DNASE2: variants seen among roughly 807,000 people sequenced by gnomAD.
DNASE2 encodes deoxyribonuclease-2-alpha.
A neutral mutation model predicts 29.8 loss-of-function variants in DNASE2; 26 were observed. That is an observed-to-expected ratio of 0.87 (90% CI 0.64 to 1.21). DNASE2 has a LOEUF of 1.21. Ranked by LOEUF, DNASE2 falls within the 50% of genes most tolerant of loss-of-function variation. The probability of loss-of-function intolerance (pLI) is 0.00; values close to 1 mark genes in which losing one functional copy is unlikely to be tolerated. For synonymous variants in DNASE2, 186 were observed against 193.5 expected (o/e 0.96, Z 0.32); for missense variants, 415 against 455.6 (o/e 0.91, Z 0.81).
rs1183049600 is a variant in DNASE2, at chr19:12,881,411, G to A, written c.-36C>T. 33 of 1,548,030 alleles carry A rather than the reference G, an allele frequency of 2.1e-5. No homozygotes were observed. Among genetic ancestry groups the A allele is most frequent in the Non-Finnish European group, 2.9e-5 (33 of 1,146,604 alleles). ...GGGCTGAGATCCAGGAATCTGTGTC[G>A]GGACTGCGGGGCGCTGGGTTACATC... On this transcript the variant is annotated 5_prime_UTR_variant, in exon 1 of 6. Coordinates refer to ENST00000222219, the MANE Select transcript of DNASE2 (RefSeq NM_001375.3).
chr19:12,878,620 G>A (rs1970344473), intron 4 of DNASE2, 41 bp from the exon 5 acceptor site: 1 of 1,613,856 alleles, frequency 6.2e-7, no homozygotes, highest in African/African-American at 1.3e-5. Context: ...ATCGTTCCAG[G>A]TTCTGGTCAG....
chr19:12,876,849 G>A (rs144641430), intron 5 of DNASE2, among the ~76,000 whole-genome samples: 1 of 151,578 alleles, frequency 6.6e-6, no homozygotes, highest in African/African-American at 2.4e-5. Flanking sequence ...TTGAGACAGA[G>A]TCTCACTCTG....
At chr19:12,880,945 C>T (rs1970373042) in intron 2 of DNASE2, 27 bp downstream of exon 2, 1 of 1,614,224 alleles carries the variant, frequency 6.2e-7, no homozygotes, top group East Asian at 2.2e-5. Flanking sequence ...AGAGTTTCGC[C>T]CCTAGTTGGC....
In DNASE2 at chr19:12,876,162, C is replaced by T. The variant is rs1033498458; in HGVS notation, c.911G>A (p.Gly304Glu). The change falls in exon 6 of 6, where the codon GGG (glycine) becomes GAG (glutamate). Residue 304 changes from glycine to glutamate, a missense_variant. Coordinates refer to ENST00000222219, the MANE Select transcript of DNASE2 (RefSeq NM_001375.3). The stretch of plus-strand genomic sequence containing the variant: ...CATGTCACCCACGCAGGTCCAGGGC[C>T]CTTTTGGGGACACGCACCATTTGGA... ...DHSKWCVSPK[G>E]PWTCVGDMNR... The T allele has an allele frequency of 1.2e-6, 2 of 1,614,206 alleles. No homozygotes were observed. The highest frequency in any genetic ancestry group is 8.5e-7 in the Non-Finnish European group (1 of 1,180,036).
rs1472944262 is a variant in DNASE2, at chr19:12,878,562, T to A, written c.529A>T (p.Thr177Ser). 1 of 1,613,730 alleles carries A rather than the reference T, an allele frequency of 6.2e-7. No individual in the cohort carries two copies. Among genetic ancestry groups the A allele is most frequent in the Middle Eastern group, 1.6e-4 (1 of 6,082 alleles). The change falls in exon 5 of 6, where the codon ACC (threonine) becomes TCC (serine). Residue 177 changes from threonine (T) to serine (S), a missense_variant. Transcript: ENST00000222219. The stretch of plus-strand genomic sequence containing the variant: ...TGGTAGTTATAGACCCAGGGGTAGG[T>A]GTAGGTCAGCTGCTTGCCTGGAGGA... ...FSKMGKQLTY[T>S]YPWVYNYQLE... is the part of the protein sequence containing the mutation.
rs1970371656 is a variant in DNASE2, at chr19:12,880,828, T to A, written c.320A>T (p.Asp107Val). 4 of 1,613,592 alleles carry A rather than the reference T, an allele frequency of 2.5e-6. No individual in the cohort carries two copies. The highest frequency in any genetic ancestry group is 1.3e-5 in the African/African-American group (1 of 74,730). The change falls in exon 3 of 6, where the codon GAC becomes GTC. Residue 107 changes from aspartate (D) to valine (V), a missense_variant. Coordinates refer to ENST00000222219, the MANE Select transcript of DNASE2 (RefSeq NM_001375.3). ...DQPPQPSKAQ[D>V]SSMRGHTKGV... The stretch of plus-strand genomic sequence containing the variant: ...CTTCGTGTGCCCACGCATGGAAGAG[T>A]CCTGAGCCTTGCTGGGTTGAGGCGG...
At position 12,878,554 on chromosome 19, in the gene DNASE2, G is replaced by C. The variant is rs975301847; in HGVS notation, c.537C>G (p.Pro179=). The C allele has an allele frequency of 2.5e-6, 4 of 1,614,120 alleles. No individual in the cohort carries two copies. The highest frequency in any genetic ancestry group is 3.4e-6 in the Non-Finnish European group (4 of 1,180,030). The part of the protein sequence containing the change: ...KMGKQLTYTY[P]WVYNYQLEGI... Reference sequence around the variant, plus strand: ...CTTCCAGCTGGTAGTTATAGACCCAGGGGTAGGTGTAGGTCAGCTGCTTGC... The same window carrying C: ...CTTCCAGCTGGTAGTTATAGACCCACGGGTAGGTGTAGGTCAGCTGCTTGC... Residue 179 remains proline, a synonymous_variant, in exon 5 of 6, where the codon CCC becomes CCG. Coordinates refer to ENST00000222219, the MANE Select transcript of DNASE2 (RefSeq NM_001375.3).
intron 3 of DNASE2, among the ~76,000 whole-genome samples, chr19:12,880,435 T>C (rs893924973): frequency 2.6e-5 from 4 of 151,980 alleles, no homozygotes; most frequent in Non-Finnish European, 4.4e-5. Flanking sequence ...GTAGATCACT[T>C]GAGGTAGAAA....
intron 5 of DNASE2, chr19:12,878,000 A>C: frequency 3.1e-6 from 1 of 322,082 alleles, no homozygotes; most frequent in South Asian, 2.7e-5. Context: ...AATTTTGTAG[A>C]GATGAGGTCT....
chr19:12,878,584 AG>A lies in DNASE2; in HGVS notation c.512-6del, dbSNP rs775803168. 14 of 1,614,042 alleles carry A rather than the reference AG, an allele frequency of 8.7e-6. No individual in the cohort carries two copies. In the East Asian group the frequency reaches 2.7e-4, roughly 31 times the overall value. ...AGGTGTAGGTCAGCTGCTTGCCTGG[AG>A]GACAAGGGGAGGAGGAAATGCAAGA... On this transcript the variant is annotated splice_region_variant and splice_polypyrimidine_tract_variant and intron_variant, in intron 4 of 5. Transcript: ENST00000222219.
chr19:12,881,045 C>T lies in DNASE2; in HGVS notation c.194G>A (p.Arg65Lys), dbSNP rs1970374182. Residue 65 changes from arginine (R) to lysine (K), a missense_variant, in exon 2 of 6, where the codon AGG becomes AAG. Coordinates refer to ENST00000222219, the MANE Select transcript of DNASE2 (RefSeq NM_001375.3). ...DESSGGWRDGRALINSPEGAV... is the reference protein window; with the variant it reads ...DESSGGWRDGKALINSPEGAV... Reference sequence around the variant, plus strand: ...CCCCTCCGGGCTGTTGATGAGTGCCCTGCCGTCCCGCCAGCCTCCGGAGCT... The same window carrying T: ...CCCCTCCGGGCTGTTGATGAGTGCCTTGCCGTCCCGCCAGCCTCCGGAGCT... 3 of 1,613,494 alleles carry T rather than the reference C, an allele frequency of 1.9e-6. No individual in the cohort carries two copies. Among genetic ancestry groups the T allele is most frequent in the Non-Finnish European group, 2.5e-6 (3 of 1,180,018 alleles).
At chr19:12,879,237 C>A (rs1221413496) in intron 3 of DNASE2, among the ~76,000 whole-genome samples, 1 of 151,626 alleles carries the variant, frequency 6.6e-6, no homozygotes, top group Non-Finnish European at 1.5e-5. Context: ...GTAATCCCAG[C>A]ACTTTGGGAA....
At position 12,881,381 on chromosome 19, in the gene DNASE2, C is replaced by CT. The variant is rs753388409; in HGVS notation, c.-7dup. 2 of 1,555,490 alleles carry CT rather than the reference C, an allele frequency of 1.3e-6. No individual in the cohort carries two copies. The highest frequency in any genetic ancestry group is 2.4e-5 in the South Asian group (2 of 84,726). ...GCCAGCAGCAGCGGGATCATAGCTG[C>CT]TATGGGGCTGAGATCCAGGAATCTG... is the stretch of plus-strand genomic sequence containing the variant. On this transcript the variant is annotated 5_prime_UTR_variant, in exon 1 of 6. Coordinates refer to ENST00000222219, the MANE Select transcript of DNASE2 (RefSeq NM_001375.3).
Position 12,876,323 on chromosome 19 carries a change from G to T in DNASE2, c.750C>A (p.Asn250Lys). 23 of 1,614,032 alleles carry T rather than the reference G, an allele frequency of 1.4e-5. No individual in the cohort carries two copies. The highest frequency in any genetic ancestry group is 1.9e-5 in the Non-Finnish European group (23 of 1,180,028). ...TTTTGTGCCAGAACTGGACCTGCAG[G>T]TTGGTACCAAGGGCTGCTGCCAACC... ...SGWLAAALGT[N>K]LQVQFWHKTV... Residue 250 changes from asparagine to lysine, a missense_variant, in exon 6 of 6, where the codon AAC becomes AAA. Asn to Lys is a moderately conservative substitution (Grantham distance 94). Coordinates refer to ENST00000222219, the MANE Select transcript of DNASE2 (RefSeq NM_001375.3).
In DNASE2 at chr19:12,881,016, C is replaced by A. The variant is rs765064528; in HGVS notation, c.223G>T (p.Val75Leu). Residue 75 changes from valine (V) to leucine (L), a missense_variant, in exon 2 of 6, where the codon GTG becomes TTG. Coordinates refer to ENST00000222219, the MANE Select transcript of DNASE2 (RefSeq NM_001375.3). ...RALINSPEGA[V>L]GRSLQPLYRS... ...TACAGCGGCTGCAGGCTTCGGCCCA[C>A]GGCCCCCTCCGGGCTGTTGATGAGT... 97 of 1,613,862 alleles carry A rather than the reference C, an allele frequency of 6.0e-5. No homozygotes were observed. The South Asian group carries it at 1.0e-3, about 17-fold the overall frequency.
chr19:12,878,329 A>T (rs1434321432), intron 5 of DNASE2, 53 bp downstream of exon 5: 1 of 1,607,332 alleles, frequency 6.2e-7, no homozygotes, highest in African/African-American at 1.3e-5. Flanking sequence ...TGGCCACACC[A>T]GTCACCCTGT....
chr19:12,880,521 G>A (rs971060578), intron 3 of DNASE2, among the ~76,000 whole-genome samples: 2 of 152,008 alleles, frequency 1.3e-5, no homozygotes, highest in African/African-American at 4.8e-5. Context: ...AGCCTGGTGT[G>A]ATGGTGCGCC....
At chr19:12,876,512 T>G in intron 5 of DNASE2, 149 bp from the exon 6 acceptor site, 1 of 1,285,952 alleles carries the variant, frequency 7.8e-7, no homozygotes. Flanking sequence ...CAGGCTAGAG[T>G]GCATTGGTGC....
chr19:12,879,379 G>C lies in DNASE2; in HGVS notation c.347-545C>G, dbSNP rs969765229. On this transcript the variant is annotated intron_variant, in intron 3 of 5. Transcript: ENST00000222219. ...CATGCCTGTAATCCCAGCTACTCGG[G>C]AGGCTGATGCAGGAGAATCACTTGA... 2.0e-5 allele frequency among the ~76,000 whole-genome samples: 3 copies of C among 150,158 alleles called. No homozygotes were observed. In the Admixed American group the frequency reaches 2.0e-4, roughly 10 times the overall value.
Sources: allele counts gnomAD v4.1 joint callset (sites outside exome capture counted in the v4.1 genomes callset), GRCh38; gene constraint gnomAD v4.1.1; transcripts MANE v1.5; gene names NCBI Gene and HGNC (gene_info 2026-07-23, HGNC 2026-07-21).